Variants in FAM171A1 observed in about 807,000 individuals in gnomAD.
FAM171A1 encodes the protein protein FAM171A1.
FAM171A1 carries 23 observed loss-of-function variants against 74.9 expected under a neutral mutation model. That is an observed-to-expected ratio of 0.31 (90% CI 0.22 to 0.44). The LOEUF (loss-of-function observed/expected upper bound fraction) is 0.44, where lower values mean the gene tolerates loss of function less well. Among genes scored for constraint, FAM171A1 ranks in the 20% least tolerant of loss-of-function variants. FAM171A1 has a pLI of 1.00. For synonymous variants in FAM171A1, 527 were observed against 505.7 expected, an observed-to-expected ratio of 1.04 and a Z score of -0.57; for missense variants, 1,162 against 1,159.2, an observed-to-expected ratio of 1.00 and a Z score of -0.03.
chr10:15,286,621 C>A (rs370054417), intron 1 of FAM171A1, among the ~76,000 whole-genome samples: 1 of 152,122 alleles, frequency 6.6e-6, no homozygotes, highest in African/African-American at 2.4e-5. Flanking sequence ...CTATCCTACA[C>A]TGGGGCAACC....
At chr10:15,230,478 A>G (rs567777101) in intron 5 of FAM171A1, among the ~76,000 whole-genome samples, 1 of 152,352 alleles carries the variant, frequency 6.6e-6, no homozygotes, top group South Asian at 2.1e-4. Flanking sequence ...AAACAAGAAT[A>G]AAATTAAGGG....
chr10:15,242,839 A>G (rs905358327), intron 5 of FAM171A1, among the ~76,000 whole-genome samples: 1 of 152,188 alleles, frequency 6.6e-6, no homozygotes, highest in Non-Finnish European at 1.5e-5. Flanking sequence ...GAAGATTCCC[A>G]ATGTACTGTC....
chr10:15,301,944 C>T (rs906695231), intron 1 of FAM171A1, among the ~76,000 whole-genome samples: 7 of 152,104 alleles, frequency 4.6e-5, no homozygotes, highest in African/African-American at 1.2e-4. Context: ...GAGTGGACTA[C>T]GGTCCTAGAG....
intron 1 of FAM171A1, among the ~76,000 whole-genome samples, chr10:15,319,869 T>G (rs1047418613): frequency 1.3e-5 from 2 of 152,208 alleles, no homozygotes; most frequent in African/African-American, 4.8e-5. Flanking sequence ...AAAACTCTCC[T>G]CCATCTGTAA....
intron 1 of FAM171A1, among the ~76,000 whole-genome samples, chr10:15,343,985 A>G (rs1465961513): frequency 6.6e-6 from 1 of 152,232 alleles, no homozygotes; most frequent in African/African-American, 2.4e-5. Flanking sequence ...TTTAAAGATC[A>G]GACAACTTCC....
intron 1 of FAM171A1, among the ~76,000 whole-genome samples, chr10:15,354,532 T>C (rs1446836256): frequency 6.6e-6 from 1 of 151,514 alleles, no homozygotes; most frequent in Non-Finnish European, 1.5e-5. Flanking sequence ...TTCAAGGCAA[T>C]GAACTTGGCA....
chr10:15,269,274 C>T (rs977395800), intron 3 of FAM171A1, among the ~76,000 whole-genome samples: 1 of 151,680 alleles, frequency 6.6e-6, no homozygotes, highest in African/African-American at 2.4e-5. Flanking sequence ...GTAGCATACA[C>T]AGATTTTTTT....
At chr10:15,279,482 CT>C (rs1283950649) in intron 2 of FAM171A1, among the ~76,000 whole-genome samples, 2 of 151,556 alleles carry the variant, frequency 1.3e-5, no homozygotes, top group East Asian at 3.9e-4. Context: ...AGAGGGGAGG[CT>C]GATTGATGTC....
intron 1 of FAM171A1, among the ~76,000 whole-genome samples, chr10:15,346,007 C>T (rs1835813594): frequency 6.6e-6 from 1 of 152,072 alleles, no homozygotes; most frequent in African/African-American, 2.4e-5. Flanking sequence ...TCCCCTTAAG[C>T]AAAGGGAAAG....
chr10:15,214,173 A>G lies in FAM171A1; in HGVS notation c.1415T>C (p.Met472Thr), dbSNP rs1833935047. 6.2e-7 allele frequency: 1 copy of G among 1,614,056 alleles called. No individual in the cohort carries two copies. Among genetic ancestry groups the G allele is most frequent in the Non-Finnish European group, 8.5e-7 (1 of 1,180,018 alleles). Reference protein sequence around the residue: ...EVFPLKARKSMEREGYESSGN... With the variant: ...EVFPLKARKSTEREGYESSGN... ...CGAGGACTCGTAGCCTTCTCTTTCCATAGATTTTCTTGCCTTTAAGGGAAA... is the reference window on the plus strand; with the variant it reads ...CGAGGACTCGTAGCCTTCTCTTTCCGTAGATTTTCTTGCCTTTAAGGGAAA... The change falls in exon 8 of 8, where the codon ATG becomes ACG. Residue 472 changes from methionine (M) to threonine (T), a missense_variant. Transcript: ENST00000378116.
At chr10:15,346,983 A>G (rs1035689643) in intron 1 of FAM171A1, among the ~76,000 whole-genome samples, 1 of 152,216 alleles carries the variant, frequency 6.6e-6, no homozygotes, top group Non-Finnish European at 1.5e-5. Flanking sequence ...CTATCTGGAC[A>G]TGGTGCAAAA....
chr10:15,239,191 C>A (rs559847276), intron 5 of FAM171A1, among the ~76,000 whole-genome samples: 33 of 152,348 alleles, frequency 2.2e-4, no homozygotes, highest in South Asian at 8.3e-4. Context: ...AGCTAAGAGG[C>A]ATTCGCTATG....
chr10:15,358,638 G>C (rs11813049), intron 1 of FAM171A1, among the ~76,000 whole-genome samples: 6,976 of 152,260 alleles, frequency 0.046, 293 homozygotes, highest in African/African-American at 0.11. Flanking sequence ...GCTCATGAGA[G>C]TTATTTGTGG....
chr10:15,227,201 A>G (rs867846309), intron 5 of FAM171A1, among the ~76,000 whole-genome samples: 80 of 152,262 alleles, frequency 5.3e-4, no homozygotes, highest in Middle Eastern at 6.8e-3. Context: ...GAGTTTCACC[A>G]TGTTGGCCAG....
chr10:15,213,227 C>T lies in FAM171A1; in HGVS notation c.2361G>A (p.Gln787=). The part of the protein sequence containing the change: ...PRAPDSTAYT[Q]LVYLDDVEQS... ...GTTCCACGTCATCCAGGTACACGAGCTGCGTGTAGGCCGTGCTGTCTGGGG... is the reference window on the plus strand; with the variant it reads ...GTTCCACGTCATCCAGGTACACGAGTTGCGTGTAGGCCGTGCTGTCTGGGG... Residue 787 remains glutamine, a synonymous_variant, in exon 8 of 8, where the codon CAG becomes CAA. Coordinates refer to ENST00000378116, the MANE Select transcript of FAM171A1 (RefSeq NM_001010924.2). This position sits in a 1 kb window ranked among gnomAD's most constrained non-coding sequence, Gnocchi z 6.8. The T allele has an allele frequency of 1.2e-6, 2 of 1,614,138 alleles. No individual in the cohort carries two copies. Among genetic ancestry groups the T allele is most frequent in the Non-Finnish European group, 1.7e-6 (2 of 1,180,020 alleles).
rs575709720 is a variant in FAM171A1 at position 15,301,362 on chromosome 10, A to ATATATATATTT, written c.98-17258_98-17257insAAATATATATA. 5.7e-5 allele frequency among the ~76,000 whole-genome samples: 8 copies of ATATATATATTT among 141,562 alleles called. No homozygotes were observed. The South Asian group carries it at 1.8e-3, about 32-fold the overall frequency. The allele number at this position is 141,562 out of a possible 152,430, so 92.9% of individuals were successfully genotyped here. A position where few individuals can be genotyped will look rare whatever the true frequency, so the allele number is the denominator to read the frequency against. ...CGCCCAGCTATATATATATATATATATTTTTTTTTTTTGTATTTTTAGTAG... is the reference window on the plus strand; with the variant it reads ...CGCCCAGCTATATATATATATATATATATATATATTTTTTTTTTTTTTTGTATTTTTAGTAG... On this transcript the variant is annotated intron_variant, in intron 1 of 7. Transcript: ENST00000378116.
At chr10:15,275,055 G>C (rs1834875765) in intron 3 of FAM171A1, among the ~76,000 whole-genome samples, 1 of 152,072 alleles carries the variant, frequency 6.6e-6, no homozygotes, top group Admixed American at 6.5e-5. Flanking sequence ...TGAACAATGA[G>C]AACATTTGGA....
intron 5 of FAM171A1, among the ~76,000 whole-genome samples, chr10:15,229,344 G>C (rs1206788977): frequency 6.6e-6 from 1 of 152,078 alleles, no homozygotes; most frequent in East Asian, 1.9e-4. Context: ...GTGAGCACTA[G>C]CTCGTTTGAG....
chr10:15,254,403 A>T (rs559041516), intron 4 of FAM171A1, among the ~76,000 whole-genome samples: 110 of 152,338 alleles, frequency 7.2e-4, no homozygotes, highest in African/African-American at 2.6e-3. Context: ...TCTTATACTT[A>T]AAAAAATTGC....
Sources: allele counts gnomAD v4.1 joint callset (sites outside exome capture counted in the v4.1 genomes callset), GRCh38; gene constraint gnomAD v4.1.1; non-coding constraint Gnocchi (gnomAD v3.1); transcripts MANE v1.5; gene names NCBI Gene and HGNC (gene_info 2026-07-23, HGNC 2026-07-21).